M1AP: variants seen among roughly 807,000 people sequenced by gnomAD.
The protein encoded by M1AP is meiosis 1 arrest protein.
A neutral mutation model predicts 51.2 loss-of-function variants in M1AP; 39 were observed. That is an observed-to-expected ratio of 0.76 (90% CI 0.59 to 1.00). The LOEUF (loss-of-function observed/expected upper bound fraction) is 1.00, where lower values mean the gene tolerates loss of function less well. M1AP is among the 50% of genes least tolerant of loss of function. The pLI is 0.00. For missense variants in M1AP, 545 were observed against 641.2 expected (o/e 0.85, Z 1.62); for synonymous variants, 251 against 249.2 (o/e 1.01, Z -0.07).
chr2:74,563,084 G>A (rs1246814867), intron 7 of M1AP, among the ~76,000 whole-genome samples: 2 of 152,076 alleles, frequency 1.3e-5, no homozygotes, highest in African/African-American at 4.8e-5. Context: ...GTCCAGAGAG[G>A]GTACAAGGTA....
intron 4 of M1AP, among the ~76,000 whole-genome samples, chr2:74,598,381 CAATAAATAAATAAATA>C (rs112411965): frequency 2.0e-5 from 3 of 149,296 alleles, no homozygotes; most frequent in South Asian, 2.1e-4. Context: ...GACTCCATGT[CAATAAATAAATAAATA>C]AATAAATAAA....
chr2:74,576,855 T>A, intron 5 of M1AP: 1 of 1,292,434 alleles, frequency 7.7e-7, no homozygotes, highest in Non-Finnish European at 9.9e-7. Flanking sequence ...AAAAGTTAAC[T>A]TATCTTCAAG....
chr2:74,578,932 C>A (rs363676), intron 5 of M1AP, among the ~76,000 whole-genome samples: 13,053 of 152,018 alleles, frequency 0.086, 1,587 homozygotes, highest in African/African-American at 0.27. Flanking sequence ...AATAATAATG[C>A]CAGCATAATC....
intron 7 of M1AP, among the ~76,000 whole-genome samples, chr2:74,572,791 TA>T (rs1678825812): frequency 6.6e-6 from 1 of 152,218 alleles, no homozygotes; most frequent in South Asian, 2.1e-4. Flanking sequence ...TACCACTTAG[TA>T]AATGCTCCAA....
chr2:74,640,221 G>C lies in M1AP; in HGVS notation c.55C>G (p.Gln19Glu). The change falls in exon 2 of 11, where the codon CAG becomes GAG. Residue 19 changes from glutamine (Q) to glutamate (E), a missense_variant. By Grantham distance (29) the Gln-to-Glu change is conservative. Coordinates refer to ENST00000421985, the MANE Select transcript of M1AP (RefSeq NM_001321739.2). ...ACAATGAGAAGCCGTGGAGGTTGCT[G>C]GTCAATCTGAGTGTGAGTAGAGGGC... ...KGPSTHTQIDQQPPRLLIVHI... is the reference protein window; with the variant it reads ...KGPSTHTQIDEQPPRLLIVHI... The C allele has an allele frequency of 1.2e-6, 2 of 1,614,112 alleles. No individual in the cohort carries two copies. Among genetic ancestry groups the C allele is most frequent in the Non-Finnish European group, 1.7e-6 (2 of 1,180,004 alleles).
In M1AP at chr2:74,575,886, G is replaced by T. The variant is rs141730146; in HGVS notation, c.933-307C>A. ...TGTTTTTCTTTCAAGATAAGGGCTT[G>T]CTCTGTTACCTAGGCTGGAGTGCAG... On this transcript the variant is annotated intron_variant, in intron 6 of 10. Coordinates refer to ENST00000421985, the MANE Select transcript of M1AP (RefSeq NM_001321739.2). Among the ~76,000 whole-genome samples the T allele has an allele frequency of 5.1e-3, 774 of 152,332 alleles. 9 individuals carry two copies. Among genetic ancestry groups the T allele is most frequent in the Non-Finnish European group, 7.1e-3 (480 of 68,026 alleles).
intron 3 of M1AP, among the ~76,000 whole-genome samples, chr2:74,611,949 A>C (rs1277244423): frequency 1.9e-5 from 2 of 105,752 alleles, no homozygotes; most frequent in Non-Finnish European, 3.4e-5. Context: ...GCAGGAGTGC[A>C]GTGGCGCGAT....
At chr2:74,612,050 C>A (rs530054055) in intron 3 of M1AP, among the ~76,000 whole-genome samples, 1 of 150,530 alleles carries the variant, frequency 6.6e-6, no homozygotes, top group African/African-American at 2.4e-5. Flanking sequence ...CCCACCACCA[C>A]GCCTGGCTAA....
rs1681021532 is a variant in M1AP, at chr2:74,606,617, TA to T, written c.595+437del. Among the ~76,000 whole-genome samples the T allele has an allele frequency of 2.6e-5, 4 of 152,016 alleles. No individual in the cohort carries two copies. The South Asian group carries it at 8.3e-4, about 32-fold the overall frequency. On this transcript the variant is annotated intron_variant, in intron 4 of 10. Transcript: ENST00000421985. ...GTGTGTGTGCATATATATATATATATAAAAGAATGTTAGAAGGGATAGCCCA... is the reference window on the plus strand; with the variant it reads ...GTGTGTGTGCATATATATATATATATAAAGAATGTTAGAAGGGATAGCCCA...
chr2:74,562,251 T>C lies in M1AP; in HGVS notation c.1247A>G (p.Glu416Gly). The C allele has an allele frequency of 6.2e-7, 1 of 1,613,948 alleles. No homozygotes were observed. The highest frequency in any genetic ancestry group is 8.5e-7 in the Non-Finnish European group (1 of 1,179,856). ...CTTAAGGCTATCATCATGTGGGTCC[T>C]CAGGTAGCAGGGGGAAGGTGCTGGG... ...MLPSTFPLLP[E>G]DPHDDSLKNV... is the part of the protein sequence containing the mutation. Residue 416 changes from glutamate (E) to glycine (G), a missense_variant, in exon 8 of 11, where the codon GAG (glutamate) becomes GGG (glycine). Glu to Gly is a moderately conservative substitution (Grantham distance 98). Coordinates refer to ENST00000421985, the MANE Select transcript of M1AP (RefSeq NM_001321739.2).
chr2:74,607,034 A>G, intron 4 of M1AP, 21 bp downstream of exon 4: 1 of 1,609,650 alleles, frequency 6.2e-7, no homozygotes, highest in South Asian at 1.1e-5. Context: ...AATTCTTTTT[A>G]CCTTGTTAAA....
chr2:74,603,863 G>C (rs1461171882), intron 4 of M1AP, among the ~76,000 whole-genome samples: 1 of 152,146 alleles, frequency 6.6e-6, no homozygotes, highest in African/African-American at 2.4e-5. Context: ...AGATGGGAGG[G>C]GGAGGAAGAG....
At chr2:74,590,403 T>C (rs1679971857) in intron 4 of M1AP, among the ~76,000 whole-genome samples, 1 of 151,166 alleles carries the variant, frequency 6.6e-6, no homozygotes, top group African/African-American at 2.4e-5. Context: ...CCTAATACTA[T>C]CTATTTGGTG....
chr2:74,628,648 C>T (rs1682535893), intron 2 of M1AP: 1 of 700,130 alleles, frequency 1.4e-6, no homozygotes, highest in Non-Finnish European at 2.5e-6. Context: ...TTCTTTCCAT[C>T]TTCATCAATG....
chr2:74,560,374 G>A (rs62147438), intron 8 of M1AP, 83 bp from the exon 9 acceptor site: 65,603 of 1,411,520 alleles, frequency 0.046, 1,934 homozygotes, highest in Non-Finnish European at 0.052. Flanking sequence ...AGGAGTGTGA[G>A]GGGCTGGAGG....
chr2:74,578,335 G>A (rs1679205069), intron 5 of M1AP, among the ~76,000 whole-genome samples: 1 of 152,184 alleles, frequency 6.6e-6, no homozygotes, highest in Non-Finnish European at 1.5e-5. Flanking sequence ...GTATACATGT[G>A]CCATGTTGGT....
chr2:74,589,006 CAG>C lies in M1AP; in HGVS notation c.596-7161_596-7160del, dbSNP rs768321653. ...ACAGATAATAAGCAAGCAAATAAAA[CAG>C]AATACAATTTCAGATGATAGATACT... On this transcript the variant is annotated intron_variant, in intron 4 of 10. Coordinates refer to ENST00000421985, the MANE Select transcript of M1AP (RefSeq NM_001321739.2). Among the ~76,000 whole-genome samples the C allele has an allele frequency of 3.9e-5, 6 of 152,252 alleles. No individual in the cohort carries two copies. In the South Asian group the frequency reaches 6.2e-4, roughly 16 times the overall value.
At chr2:74,622,324 C>T (rs928467717) in intron 2 of M1AP, among the ~76,000 whole-genome samples, 6 of 151,826 alleles carry the variant, frequency 4.0e-5, no homozygotes, top group South Asian at 2.1e-4. Flanking sequence ...ACTGCAACCC[C>T]GCCTCCCGAG....
chr2:74,607,985 T>A (rs989995065), intron 3 of M1AP, among the ~76,000 whole-genome samples: 1 of 152,192 alleles, frequency 6.6e-6, no homozygotes, highest in Non-Finnish European at 1.5e-5. Context: ...GGTACAGAGA[T>A]AGCCCATATA....
Sources: allele counts gnomAD v4.1 joint callset (sites outside exome capture counted in the v4.1 genomes callset), GRCh38; gene constraint gnomAD v4.1.1; transcripts MANE v1.5; gene names NCBI Gene and HGNC (gene_info 2026-07-23, HGNC 2026-07-21).